The following HIVEP3 variants were observed in gnomAD, a reference collection of about 807,000 sequenced individuals.
HIVEP3 encodes transcription factor HIVEP3.
HIVEP3 carries 49 observed loss-of-function variants against 152.8 expected under a neutral mutation model. The observed-to-expected ratio is 0.32, with a 90% CI of 0.26 to 0.41. The LOEUF is 0.41. Ranked by LOEUF, HIVEP3 falls within the 10% of genes least tolerant of loss-of-function variation. The pLI is 1.00. For missense variants in HIVEP3, 2,790 were observed against 3,103.3 expected (o/e 0.90, Z 2.40); for synonymous variants, 1,269 against 1,289.0 (o/e 0.98, Z 0.33).
chr1:41,802,005 A>G (rs748931823), intron 1 of HIVEP3, among the ~76,000 whole-genome samples: 2 of 152,186 alleles, frequency 1.3e-5, no homozygotes, highest in Non-Finnish European at 2.9e-5. Flanking sequence ...CTGCTCTGGG[A>G]GAGAAGCAAG....
intron 1 of HIVEP3, among the ~76,000 whole-genome samples, chr1:41,973,266 T>C (rs1645240766): frequency 1.3e-5 from 2 of 152,256 alleles, no homozygotes; most frequent in Non-Finnish European, 1.5e-5. Context: ...CAGGCATGGC[T>C]TAGCTGGGCG....
intron 5 of HIVEP3, among the ~76,000 whole-genome samples, chr1:41,554,752 G>A (rs1337229808): frequency 3.3e-5 from 5 of 152,186 alleles, no homozygotes. Flanking sequence ...AGGTCCCTCA[G>A]CTGCAGGTCT....
At chr1:41,923,242 T>C (rs534727498), upstream of HIVEP3, among the ~76,000 whole-genome samples, 2 of 152,222 alleles carry the variant, frequency 1.3e-5, no homozygotes, top group Non-Finnish European at 2.9e-5. Context: ...TGTTGGACTG[T>C]GGCTATGTAT....
intron 5 of HIVEP3, among the ~76,000 whole-genome samples, chr1:41,565,577 G>A (rs1001513182): frequency 6.6e-6 from 1 of 151,752 alleles, no homozygotes; most frequent in African/African-American, 2.4e-5. Context: ...GAGGGCAAGC[G>A]AGCACATATG....
At chr1:41,776,149 C>T (rs1570512879) in intron 1 of HIVEP3, among the ~76,000 whole-genome samples, 1 of 152,234 alleles carries the variant, frequency 6.6e-6, no homozygotes, top group Admixed American at 6.5e-5. Context: ...AGGAAAGAGG[C>T]TGCCAAGCAG....
intron 1 of HIVEP3, among the ~76,000 whole-genome samples, chr1:41,980,300 C>G (rs1269041621): frequency 1.3e-5 from 2 of 152,140 alleles, no homozygotes; most frequent in Non-Finnish European, 2.9e-5. Context: ...AAGGTATAAA[C>G]AGCCCAAATG....
chr1:41,738,005 A>T (rs1486993172), intron 1 of HIVEP3, among the ~76,000 whole-genome samples: 2 of 152,224 alleles, frequency 1.3e-5, no homozygotes, highest in Admixed American at 6.5e-5. Flanking sequence ...GATCCATGCC[A>T]TGTCTATAGA....
upstream of HIVEP3, among the ~76,000 whole-genome samples, chr1:41,922,745 CA>C (rs912103540): frequency 4.6e-5 from 6 of 129,662 alleles, no homozygotes; most frequent in African/African-American, 1.4e-4. Context: ...ATAATTATAA[CA>C]AAAAAATAGA....
chr1:41,578,543 T>G (rs988759935), intron 4 of HIVEP3, among the ~76,000 whole-genome samples: 1 of 152,266 alleles, frequency 6.6e-6, no homozygotes, highest in African/African-American at 2.4e-5. Context: ...AACACAGTTG[T>G]GCTCACTTAT....
In HIVEP3 at chr1:41,774,184, C is replaced by T. The variant is rs193127480; in HGVS notation, c.-800-73189G>A. On this transcript the variant is annotated intron_variant, in intron 1 of 8. Transcript: ENST00000372583. The stretch of plus-strand genomic sequence containing the variant: ...ACCTGCCTCTGCAACAAGAGAACAG[C>T]GTGTCTCGGGTTTGGCTGCACCTTC... Among the ~76,000 whole-genome samples, 210 of 152,308 alleles carry T rather than the reference C, an allele frequency of 1.4e-3. 1 individual carries two copies. Among genetic ancestry groups the T allele is most frequent in the African/African-American group, 4.8e-3 (198 of 41,564 alleles).
Position 41,662,333 on chromosome 1 carries a change from G to A in HIVEP3, c.-720-33386C>T, listed in dbSNP as rs1645728971. On this transcript the variant is annotated intron_variant, in intron 2 of 8. Coordinates refer to ENST00000372583, the MANE Select transcript of HIVEP3 (RefSeq NM_024503.5). This position sits in a 1 kb window ranked among gnomAD's most constrained non-coding sequence, Gnocchi z 7.2. ...GGGGTGGGCGCGGGGCGGGCTGGCG[G>A]GCGGGCGCCGGCGGCGGGCGCGGCT... The A allele has an allele frequency of 6.9e-6, 1 of 145,836 alleles. No individual in the cohort carries two copies. The highest frequency in any genetic ancestry group is 6.8e-5 in the Admixed American group (1 of 14,704). The allele number at this position is 145,836 out of a possible 1,614,324, so 9.0% of individuals were successfully genotyped here.
intron 1 of HIVEP3, among the ~76,000 whole-genome samples, chr1:41,811,508 G>A (rs1650957216): frequency 6.6e-6 from 1 of 151,938 alleles, no homozygotes. Context: ...TTAATTATCA[G>A]TTACATTTGC....
chr1:41,550,318 C>T (rs1158894614), intron 5 of HIVEP3, among the ~76,000 whole-genome samples: 1 of 152,202 alleles, frequency 6.6e-6, no homozygotes, highest in Admixed American at 6.5e-5. Context: ...GTGATGCCTC[C>T]AGCTTTGTTC....
intron 1 of HIVEP3, among the ~76,000 whole-genome samples, chr1:41,835,026 G>A (rs970229970): frequency 2.6e-5 from 4 of 152,150 alleles, no homozygotes; most frequent in Non-Finnish European, 5.9e-5. Flanking sequence ...CAAATTCCAC[G>A]AAGCCATTGC....
At position 41,510,636 on chromosome 1, in the gene HIVEP3, T is replaced by C. The variant is rs779154264; in HGVS notation, c.7036A>G (p.Thr2346Ala). Reference sequence around the variant, plus strand: ...GAGCTGCTGCGGTCCAGCGGCGGGGTGGCAGAAGGCTCGGGGTTGGTCGGT... The same window carrying C: ...GAGCTGCTGCGGTCCAGCGGCGGGGCGGCAGAAGGCTCGGGGTTGGTCGGT... Reference protein sequence around the residue: ...RAPTNPEPSATPPLDRSSSVG... With the variant: ...RAPTNPEPSAAPPLDRSSSVG... Residue 2346 changes from threonine to alanine, a missense_variant, in exon 9 of 9, where the codon ACC becomes GCC. Transcript: ENST00000372583. 6.5e-7 allele frequency: 1 copy of C among 1,539,560 alleles called. No individual in the cohort carries two copies. The highest frequency in any genetic ancestry group is 2.0e-5 in the Admixed American group (1 of 50,570).
intron 1 of HIVEP3, among the ~76,000 whole-genome samples, chr1:41,773,218 G>A (rs541124473): frequency 2.0e-5 from 3 of 152,322 alleles, no homozygotes; most frequent in Admixed American, 2.0e-4. Flanking sequence ...TCCACAGGTA[G>A]AGAAACTGGA....
At chr1:41,519,443 C>T (rs1642699161) in intron 6 of HIVEP3, among the ~76,000 whole-genome samples, 1 of 152,238 alleles carries the variant, frequency 6.6e-6, no homozygotes, top group Non-Finnish European at 1.5e-5. Flanking sequence ...GGCAGAGCAT[C>T]CCAGCCTGCC....
chr1:41,582,320 G>C lies in HIVEP3; in HGVS notation c.2478C>G (p.Ala826=), dbSNP rs202232762. 4 of 1,614,148 alleles carry C rather than the reference G, an allele frequency of 2.5e-6. 1 individual carries two copies. Among genetic ancestry groups the C allele is most frequent in the Non-Finnish European group, 3.4e-6 (4 of 1,180,020 alleles). The change falls in exon 4 of 9, where the codon GCC becomes GCG. Residue 826 remains alanine, a synonymous_variant. Transcript: ENST00000372583. This position sits in a 1 kb window ranked among gnomAD's most constrained non-coding sequence, Gnocchi z 4.7. ...SGLEGEDKPL[A]QFPSPPPAPH... is the part of the protein sequence containing the mutation. ...GGGCAGGTGGGGGTGATGGGAACTGGGCCAGAGGTTTGTCTTCCCCTTCCA... is the reference window on the plus strand; with the variant it reads ...GGGCAGGTGGGGGTGATGGGAACTGCGCCAGAGGTTTGTCTTCCCCTTCCA...
At chr1:41,788,941 G>A (rs2124295140) in intron 1 of HIVEP3, among the ~76,000 whole-genome samples, 1 of 152,290 alleles carries the variant, frequency 6.6e-6, no homozygotes, top group East Asian at 1.9e-4. Flanking sequence ...TCTATCTGTG[G>A]TTCTTCCCAG....
Sources: allele counts gnomAD v4.1 joint callset (sites outside exome capture counted in the v4.1 genomes callset), GRCh38; gene constraint gnomAD v4.1.1; non-coding constraint Gnocchi (gnomAD v3.1); transcripts MANE v1.5; gene names NCBI Gene and HGNC (gene_info 2026-07-23, HGNC 2026-07-21).